The following TMEM132B variants were observed in gnomAD, a reference collection of about 807,000 sequenced individuals.
TMEM132B encodes the protein transmembrane protein 132B.
A neutral mutation model predicts 90.8 loss-of-function variants in TMEM132B; 18 were observed. The observed-to-expected ratio is 0.20, with a 90% CI of 0.14 to 0.29. The LOEUF (loss-of-function observed/expected upper bound fraction) is 0.29. Ranked by LOEUF, TMEM132B falls within the 10% of genes least tolerant of loss-of-function variation. TMEM132B has a pLI of 1.00. For missense variants in TMEM132B, 1,096 were observed against 1,326.8 expected, an observed-to-expected ratio of 0.83 and a Z score of 2.70; for synonymous variants, 504 against 523.3, an observed-to-expected ratio of 0.96 and a Z score of 0.50.
At chr12:125,369,490 G>C (rs1212067668) in intron 2 of TMEM132B, among the ~76,000 whole-genome samples, 1 of 152,232 alleles carries the variant, frequency 6.6e-6, no homozygotes, top group East Asian at 1.9e-4. Flanking sequence ...ATTTTTTTCA[G>C]TAAAAATCAT....
chr12:125,542,780 A>T (rs1883989064), intron 4 of TMEM132B, among the ~76,000 whole-genome samples: 1 of 152,232 alleles, frequency 6.6e-6, no homozygotes, highest in Non-Finnish European at 1.5e-5. Flanking sequence ...TTCTATGAAT[A>T]ACACTGCTGT....
intron 1 of TMEM132B, among the ~76,000 whole-genome samples, chr12:125,284,520 C>T (rs985308299): frequency 6.6e-6 from 1 of 152,174 alleles, no homozygotes; most frequent in Non-Finnish European, 1.5e-5. Context: ...CAGTTCTGTG[C>T]TTTTGTTAAA....
At chr12:125,578,927 C>G (rs770004363) in intron 4 of TMEM132B, among the ~76,000 whole-genome samples, 1 of 152,100 alleles carries the variant, frequency 6.6e-6, no homozygotes, top group Non-Finnish European at 1.5e-5. Flanking sequence ...GCGGATCTCT[C>G]TGAGTTTATT....
intron 6 of TMEM132B, among the ~76,000 whole-genome samples, chr12:125,650,006 G>A (rs1480370517): frequency 6.6e-6 from 1 of 152,146 alleles, no homozygotes; most frequent in Non-Finnish European, 1.5e-5. Flanking sequence ...TTAGATTAGG[G>A]TAGGATGGTG....
intron 5 of TMEM132B, among the ~76,000 whole-genome samples, chr12:125,592,379 A>G (rs933693337): frequency 1.3e-5 from 2 of 152,174 alleles, no homozygotes; most frequent in African/African-American, 2.4e-5. Context: ...TGGCTGCAAT[A>G]ATTAAGTTTC....
At chr12:125,225,138 C>T (rs1041166693) in intron 1 of TMEM132B, among the ~76,000 whole-genome samples, 2 of 152,156 alleles carry the variant, frequency 1.3e-5, no homozygotes, top group African/African-American at 4.8e-5. Flanking sequence ...GGTCCAGTTC[C>T]CAAATCAATC....
chr12:125,523,116 T>G (rs1883352493), intron 4 of TMEM132B, among the ~76,000 whole-genome samples: 1 of 152,224 alleles, frequency 6.6e-6, no homozygotes, highest in Admixed American at 6.5e-5. Flanking sequence ...CTGAGTCCAT[T>G]GGCTAGAGAG....
chr12:125,514,877 TCTCCTC>T (rs368563205), intron 3 of TMEM132B, among the ~76,000 whole-genome samples: 2 of 151,768 alleles, frequency 1.3e-5, no homozygotes, highest in Non-Finnish European at 2.9e-5. Context: ...CCCTGTGTCT[TCTCCTC>T]CTCCTCCTCC....
At chr12:125,488,319 A>G (rs1882252671) in intron 3 of TMEM132B, among the ~76,000 whole-genome samples, 1 of 152,216 alleles carries the variant, frequency 6.6e-6, no homozygotes. Flanking sequence ...TTTGATACAA[A>G]TCACCCTAAA....
chr12:125,350,243 G>A lies in TMEM132B; in HGVS notation c.859G>A (p.Val287Met). The A allele has an allele frequency of 6.2e-7, 1 of 1,614,150 alleles. No individual in the cohort carries two copies. Residue 287 changes from valine to methionine, a missense_variant, in exon 2 of 9, where the codon GTG becomes ATG. By Grantham distance (21) the Val-to-Met change is conservative. Coordinates refer to ENST00000682704, the MANE Select transcript of TMEM132B (RefSeq NM_001366854.1). ...GTCCCTGGTGAGCTTGGACGAGAAT[G>A]TGGTCATCTCGGTACCTCTGAATCT... Reference protein sequence around the residue: ...KWSLVSLDENVVISVPLNLVR... With the variant: ...KWSLVSLDENMVISVPLNLVR...
intron 2 of TMEM132B, among the ~76,000 whole-genome samples, chr12:125,364,478 G>A (rs1878064593): frequency 6.6e-6 from 1 of 152,002 alleles, no homozygotes. Flanking sequence ...TTTAAAAGTA[G>A]TTTGCAGACA....
intron 1 of TMEM132B, among the ~76,000 whole-genome samples, chr12:125,303,065 C>T (rs1396662368): frequency 6.6e-6 from 1 of 151,992 alleles, no homozygotes; most frequent in Non-Finnish European, 1.5e-5. Flanking sequence ...CCACTGCACT[C>T]CAGCCTGGGG....
At chr12:125,274,988 A>G (rs893754807) in intron 1 of TMEM132B, among the ~76,000 whole-genome samples, 3 of 152,210 alleles carry the variant, frequency 2.0e-5, no homozygotes, top group Admixed American at 1.3e-4. Context: ...AATTACAATA[A>G]TCCGCAAAGC....
At position 125,460,055 on chromosome 12, in the gene TMEM132B, T is replaced by C. The variant is rs1415000354; in HGVS notation, c.1106+44378T>C. On this transcript the variant is annotated intron_variant, in intron 3 of 8. Transcript: ENST00000682704. This position sits in a 1 kb window ranked among gnomAD's most constrained non-coding sequence, Gnocchi z 4.4. ...TTTATAAATTACACAGTCTCAGGTA[T>C]GCCTTTATCAGCAGTGTGTGAACAG... Among the ~76,000 whole-genome samples the C allele has an allele frequency of 6.6e-6, 1 of 152,236 alleles. No individual in the cohort carries two copies. The highest frequency in any genetic ancestry group is 1.5e-5 in the Non-Finnish European group (1 of 68,036).
chr12:125,613,743 C>A (rs1333902331), intron 5 of TMEM132B, among the ~76,000 whole-genome samples: 2 of 151,906 alleles, frequency 1.3e-5, no homozygotes, highest in Non-Finnish European at 2.9e-5. Flanking sequence ...GTTATAAAGA[C>A]AATAATGCAT....
intron 2 of TMEM132B, among the ~76,000 whole-genome samples, chr12:125,400,936 A>G (rs1489095049): frequency 3.3e-5 from 5 of 152,168 alleles, no homozygotes; most frequent in African/African-American, 7.2e-5. Flanking sequence ...CAGAAGGGCA[A>G]CTTGTTTAAA....
At chr12:125,350,445 A>G (rs1178424243) in intron 2 of TMEM132B, 102 bp downstream of exon 2, 1 of 1,329,766 alleles carries the variant, frequency 7.5e-7, no homozygotes, top group Non-Finnish European at 1.0e-6. Flanking sequence ...GACTATTGTC[A>G]AAAATGAATA....
At chr12:125,617,440 G>C (rs763879681) in intron 5 of TMEM132B, among the ~76,000 whole-genome samples, 12 of 151,616 alleles carry the variant, frequency 7.9e-5, no homozygotes, top group Non-Finnish European at 1.5e-4. Context: ...CCACCTCCTG[G>C]GTTCGAGCAA....
intron 5 of TMEM132B, among the ~76,000 whole-genome samples, chr12:125,630,705 GTACCCAA>G (rs899072172): frequency 4.6e-5 from 7 of 151,942 alleles, no homozygotes; most frequent in Admixed American, 4.6e-4. Context: ...ACTACGCCTA[GTACCCAA>G]TATTTTTTCT....
Sources: allele counts gnomAD v4.1 joint callset (sites outside exome capture counted in the v4.1 genomes callset), GRCh38; gene constraint gnomAD v4.1.1; non-coding constraint Gnocchi (gnomAD v3.1); transcripts MANE v1.5; gene names NCBI Gene and HGNC (gene_info 2026-07-23, HGNC 2026-07-21).